PRKDC: variants seen among roughly 807,000 people sequenced by gnomAD.
The protein encoded by PRKDC is protein kinase, DNA-activated, catalytic subunit, also known as DNA-dependent protein kinase catalytic subunit.
PRKDC carries 82 observed loss-of-function variants against 486.9 expected under a neutral mutation model. The observed-to-expected ratio is 0.17, with a 90% CI of 0.14 to 0.20. PRKDC has a LOEUF of 0.20. Among genes scored for constraint, PRKDC ranks in the 10% least tolerant of loss-of-function variants. The probability of loss-of-function intolerance (pLI) is 1.00; values close to 1 mark genes in which losing one functional copy is unlikely to be tolerated. For synonymous variants in PRKDC, 1,895 were observed against 1,837.0 expected, an observed-to-expected ratio of 1.03 and a Z score of -0.81; for missense variants, 4,504 against 5,038.2, an observed-to-expected ratio of 0.89 and a Z score of 3.21.
At chr8:47,821,344 C>A (rs1361276004) in intron 65 of PRKDC, among the ~76,000 whole-genome samples, 1 of 152,104 alleles carries the variant, frequency 6.6e-6, no homozygotes, top group Admixed American at 6.5e-5. Flanking sequence ...TAAGAGACAA[C>A]AGGAAATATG....
At chr8:47,866,953 G>T (rs2088832052) in intron 40 of PRKDC, among the ~76,000 whole-genome samples, 1 of 152,024 alleles carries the variant, frequency 6.6e-6, no homozygotes, top group Admixed American at 6.6e-5. Context: ...GCTCAGGCTG[G>T]TCTCAAACTC....
rs771829968 is a variant in PRKDC, at chr8:47,957,343, T to C, written c.231+12A>G. The C allele has an allele frequency of 4.4e-6, 7 of 1,595,570 alleles. No individual in the cohort carries two copies. In the African/African-American group the frequency reaches 5.4e-5, roughly 12 times the overall value. ...ATATACAAGAAAAGCAAAACCAAAA[T>C]TGTCAACTTACTTCAATACTGTTGA... On this transcript the variant is annotated intron_variant, in intron 2 of 85. Coordinates refer to ENST00000314191, the MANE Select transcript of PRKDC (RefSeq NM_006904.7).
chr8:47,957,476 A>G (rs1387424559), intron 1 of PRKDC, 45 bp from the exon 2 acceptor site: 3 of 1,473,142 alleles, frequency 2.0e-6, no homozygotes, highest in Non-Finnish European at 2.8e-6. Context: ...TGCCAAGAGC[A>G]TCATGTAAAC....
chr8:47,877,886 T>C, intron 39 of PRKDC, 35 bp from the exon 40 acceptor site: 1 of 1,403,640 alleles, frequency 7.1e-7, no homozygotes, highest in Non-Finnish European at 9.4e-7. Flanking sequence ...TAAAATTTTG[T>C]TGGGTTTTAC....
chr8:47,935,119 CA>C (rs377166165), intron 13 of PRKDC, 61 bp from the exon 14 acceptor site: 153 of 1,100,088 alleles, frequency 1.4e-4, no homozygotes, highest in Middle Eastern at 2.1e-4. Flanking sequence ...TCAAAACTCA[CA>C]AAAAAAAACA....
intron 34 of PRKDC, among the ~76,000 whole-genome samples, chr8:47,888,003 G>A (rs944271724): frequency 5.3e-5 from 8 of 152,006 alleles, no homozygotes; most frequent in African/African-American, 1.5e-4. Flanking sequence ...CTACGGGTCC[G>A]CGGCACCCAC....
chr8:47,835,581 A>T (rs1054044771), intron 58 of PRKDC, among the ~76,000 whole-genome samples: 31 of 125,712 alleles, frequency 2.5e-4, no homozygotes, highest in Middle Eastern at 5.8e-3. Flanking sequence ...CGTGCCACTC[A>T]CTCCAGCTCC....
At chr8:47,813,737 G>A (rs1433639001) in intron 68 of PRKDC, among the ~76,000 whole-genome samples, 2 of 152,022 alleles carry the variant, frequency 1.3e-5, no homozygotes, top group Non-Finnish European at 2.9e-5. Context: ...ACCATGCTCG[G>A]CTAATTTTAT....
At chr8:47,813,084 T>C (rs950784732) in intron 68 of PRKDC, among the ~76,000 whole-genome samples, 2 of 149,634 alleles carry the variant, frequency 1.3e-5, no homozygotes, top group African/African-American at 2.5e-5. Flanking sequence ...GACACAAAAA[T>C]AGAATTTTAT....
intron 40 of PRKDC, among the ~76,000 whole-genome samples, chr8:47,876,489 C>T (rs2089094753): frequency 6.6e-6 from 1 of 151,984 alleles, no homozygotes; most frequent in Non-Finnish European, 1.5e-5. Flanking sequence ...TGGTGAGACC[C>T]CGTCTCTACT....
chr8:47,912,677 T>C, intron 24 of PRKDC, 115 bp from the exon 25 acceptor site: 3 of 895,280 alleles, frequency 3.4e-6, no homozygotes, highest in Non-Finnish European at 4.8e-6. Context: ...CACATAACTA[T>C]CATGTAACCC....
chr8:47,778,163 A>G (rs1005793562), intron 83 of PRKDC, among the ~76,000 whole-genome samples: 9 of 152,142 alleles, frequency 5.9e-5, no homozygotes, highest in African/African-American at 2.2e-4. Flanking sequence ...TCTGTATCAC[A>G]TTTTTGACCA....
chr8:47,954,147 T>A (rs924672198), intron 5 of PRKDC, among the ~76,000 whole-genome samples, 191 bp downstream of exon 5: 1 of 152,232 alleles, frequency 6.6e-6, no homozygotes, highest in African/African-American at 2.4e-5. Flanking sequence ...AATAATTTTG[T>A]AAAAATTAAC....
chr8:47,823,523 T>C (rs1365542060), intron 64 of PRKDC, among the ~76,000 whole-genome samples: 3 of 152,134 alleles, frequency 2.0e-5, no homozygotes, highest in African/African-American at 7.2e-5. Flanking sequence ...CTTTTCTTTA[T>C]AAATTGCCCA....
intron 22 of PRKDC, among the ~76,000 whole-genome samples, chr8:47,917,586 C>A (rs945791046): frequency 6.6e-6 from 1 of 151,948 alleles, no homozygotes; most frequent in Non-Finnish European, 1.5e-5. Context: ...GAAAACTTGC[C>A]CCAAGGAATT....
chr8:47,917,514 T>C (rs1166997585), intron 22 of PRKDC, among the ~76,000 whole-genome samples: 2 of 152,182 alleles, frequency 1.3e-5, no homozygotes, highest in African/African-American at 2.4e-5. Context: ...ATTTTCCCTA[T>C]TCTAACTCAA....
intron 7 of PRKDC, among the ~76,000 whole-genome samples, chr8:47,951,919 G>A (rs188303657): frequency 5.9e-5 from 9 of 152,234 alleles, no homozygotes; most frequent in East Asian, 1.9e-4. Context: ...ATATCCCTTC[G>A]CAACCATTAG....
At chr8:47,892,203 G>A (rs919244209) in intron 31 of PRKDC, among the ~76,000 whole-genome samples, 1 of 151,846 alleles carries the variant, frequency 6.6e-6, no homozygotes, top group Non-Finnish European at 1.5e-5. Flanking sequence ...AAATCTATAC[G>A]TACAAAAATA....
At chr8:47,806,037 C>T (rs2087209733) in intron 69 of PRKDC, among the ~76,000 whole-genome samples, 2 of 152,334 alleles carry the variant, frequency 1.3e-5, no homozygotes, top group Admixed American at 1.3e-4. Flanking sequence ...TCTGCAAACC[C>T]AGTGCCATCC....
Sources: gnomAD v4.1 joint callset for allele counts (sites outside exome capture counted in the v4.1 genomes callset) on GRCh38, gnomAD v4.1.1 for gene constraint, MANE v1.5 for transcripts, NCBI Gene and HGNC (gene_info 2026-07-23, HGNC 2026-07-21) for gene names.